The following ZNF362 variants were observed in gnomAD, a reference collection of about 807,000 sequenced individuals.
ZNF362 encodes zinc finger protein 362, also known as rotund homolog.
ZNF362 carries 11 observed loss-of-function variants against 42.9 expected under a neutral mutation model. That is an observed-to-expected ratio of 0.26 (90% CI 0.16 to 0.42). The LOEUF (loss-of-function observed/expected upper bound fraction) is 0.42. ZNF362 is among the 20% of genes least tolerant of loss of function. The pLI is 1.00. For synonymous variants in ZNF362, 255 were observed against 257.3 expected (o/e 0.99, Z 0.09); for missense variants, 362 against 576.2 (o/e 0.63, Z 3.81).
chr1:33,295,237 C>T lies in ZNF362; in HGVS notation c.1078C>T (p.Leu360Phe). 1 of 1,614,250 alleles carries T rather than the reference C, an allele frequency of 6.2e-7. No individual in the cohort carries two copies. The highest frequency in any genetic ancestry group is 2.2e-5 in the East Asian group (1 of 44,880). ...GGACTCCGCTTCTTTGCAGATCCAC[C>T]TCTCGGCCCACGCCATCAAGCACGC... ...YSDSASLQIH[L>F]SAHAIKHAKA... The change falls in exon 8 of 9, where the codon CTC becomes TTC. Residue 360 changes from leucine to phenylalanine, a missense_variant. Around this residue, in one of 3 missense-constraint regions of ZNF362, gnomAD observed 68 missense variants for 107.4 expected, o/e 0.63. Coordinates refer to ENST00000539719, the MANE Select transcript of ZNF362 (RefSeq NM_152493.3).
At chr1:33,159,468 G>A in the ZNF362 span, among the ~76,000 whole-genome samples, 3 of 152,166 alleles carry the variant, frequency 2.0e-5, 1 homozygote, top group Non-Finnish European at 4.4e-5. The surrounding 1 kb of genome is among the most constrained non-coding windows in gnomAD (Gnocchi z 4.2). Context: ...TTTTCAAACT[G>A]TGTTCCTCAC....
the ZNF362 span, chr1:33,159,966 G>T: frequency 6.3e-7 from 1 of 1,591,972 alleles, no homozygotes; most frequent in East Asian, 2.2e-5. The surrounding 1 kb of genome is among the most constrained non-coding windows in gnomAD (Gnocchi z 4.2). Flanking sequence ...AGTCGTCAGG[G>T]GTTATGGCTG....
At chr1:33,181,458 G>T in the ZNF362 span, 3 of 1,566,686 alleles carry the variant, frequency 1.9e-6, no homozygotes, top group South Asian at 2.3e-5. This position sits in a 1 kb window ranked among gnomAD's most constrained non-coding sequence, Gnocchi z 6.5. Flanking sequence ...AGAGAGGGGG[G>T]CCCGAGGGGC....
chr1:33,196,947 G>C, the ZNF362 span, among the ~76,000 whole-genome samples: 1 of 152,192 alleles, frequency 6.6e-6, no homozygotes, highest in Non-Finnish European at 1.5e-5. Context: ...TTACATTTGA[G>C]TTGGTGGACT....
In ZNF362 at chr1:33,280,571, G is replaced by C; in HGVS notation, c.683+114G>C. ...ACAGGACCCTTAGGGCTGAGGGGCA[G>C]GGCTAGGGTCCAGAGGGGCGGGGCC... On this transcript the variant is annotated intron_variant, in intron 5 of 8. Transcript: ENST00000539719. The surrounding 1 kb of genome is among the most constrained non-coding windows in gnomAD (Gnocchi z 5.6). The C allele has an allele frequency of 6.9e-7, 1 of 1,445,932 alleles. No homozygotes were observed. The highest frequency in any genetic ancestry group is 1.5e-5 in the South Asian group (1 of 67,592). The allele number at this position is 1,445,932 out of a possible 1,614,324, so 89.6% of individuals were successfully genotyped here.
chr1:33,262,257 T>A (rs980568377), intron 1 of ZNF362, among the ~76,000 whole-genome samples: 33 of 151,134 alleles, frequency 2.2e-4, no homozygotes, highest in African/African-American at 5.6e-4. Flanking sequence ...CTCCACCATC[T>A]GGGGTCCTTT....
At chr1:33,213,316 G>A in the ZNF362 span, among the ~76,000 whole-genome samples, 2 of 151,906 alleles carry the variant, frequency 1.3e-5, no homozygotes, top group South Asian at 4.2e-4. Flanking sequence ...TCTTAATCAC[G>A]GCGATGATTT....
the ZNF362 span, among the ~76,000 whole-genome samples, chr1:33,237,568 A>G: frequency 6.6e-6 from 1 of 152,334 alleles, no homozygotes; most frequent in African/African-American, 2.4e-5. Context: ...AATCGTAGCT[A>G]ACATTTATTG....
the ZNF362 span, among the ~76,000 whole-genome samples, chr1:33,234,970 T>A: frequency 6.6e-6 from 1 of 152,154 alleles, no homozygotes; most frequent in Non-Finnish European, 1.5e-5. Context: ...AGGCCTCAGC[T>A]GAGGTCGATC....
upstream of ZNF362, among the ~76,000 whole-genome samples, chr1:33,254,346 A>T (rs560489424): frequency 1.3e-5 from 2 of 152,266 alleles, no homozygotes; most frequent in African/African-American, 4.8e-5. Flanking sequence ...CTGGTCTTAA[A>T]GTCTGACCTG....
chr1:33,227,422 C>T, the ZNF362 span, among the ~76,000 whole-genome samples: 6 of 152,134 alleles, frequency 3.9e-5, no homozygotes, highest in Non-Finnish European at 8.8e-5. Flanking sequence ...CTGCTCAGAA[C>T]GCAACTGCCA....
chr1:33,230,735 G>A, the ZNF362 span, among the ~76,000 whole-genome samples: 2 of 152,232 alleles, frequency 1.3e-5, no homozygotes, highest in South Asian at 2.1e-4. Flanking sequence ...CTGGGCTGCC[G>A]TGAGGTTGCT....
chr1:33,295,750 T>C (rs1646119106), intron 8 of ZNF362, among the ~76,000 whole-genome samples: 1 of 152,194 alleles, frequency 6.6e-6, no homozygotes, highest in Non-Finnish European at 1.5e-5. Context: ...TCAGCTCCCG[T>C]CCCTGGGTGG....
the ZNF362 span, among the ~76,000 whole-genome samples, chr1:33,191,280 C>T: frequency 6.6e-6 from 1 of 152,160 alleles, no homozygotes; most frequent in Non-Finnish European, 1.5e-5. Context: ...CTTTTGTCCT[C>T]TGAACCATCC....
chr1:33,222,562 G>A, the ZNF362 span, among the ~76,000 whole-genome samples: 3 of 152,090 alleles, frequency 2.0e-5, no homozygotes, highest in Non-Finnish European at 4.4e-5. Context: ...TTCCTACTGT[G>A]CCTGAAATCC....
the ZNF362 span, among the ~76,000 whole-genome samples, chr1:33,250,759 GAAGA>G: frequency 7.1e-6 from 1 of 140,478 alleles, no homozygotes; most frequent in Non-Finnish European, 1.5e-5. Flanking sequence ...GAAAAAAAAA[GAAGA>G]AAGAAGAAGG....
the ZNF362 span, chr1:33,147,174 G>A: frequency 1.2e-6 from 2 of 1,612,740 alleles, no homozygotes; most frequent in East Asian, 2.2e-5. This position sits in a 1 kb window ranked among gnomAD's most constrained non-coding sequence, Gnocchi z 8.1. Context: ...CCTTCTGCCT[G>A]GACTAGATGC....
chr1:33,284,010 G>A (rs1030082860), intron 6 of ZNF362, among the ~76,000 whole-genome samples: 4 of 152,252 alleles, frequency 2.6e-5, no homozygotes, highest in African/African-American at 9.6e-5. Flanking sequence ...GGCCAGAATT[G>A]TGTATGTGTG....
chr1:33,252,091 G>A (rs923211319), upstream of ZNF362, among the ~76,000 whole-genome samples: 1 of 152,192 alleles, frequency 6.6e-6, no homozygotes, highest in East Asian at 1.9e-4. Flanking sequence ...GGTGGCTCAC[G>A]CCTGTAATCC....
Sources: allele counts gnomAD v4.1 joint callset (sites outside exome capture counted in the v4.1 genomes callset), GRCh38; gene constraint gnomAD v4.1.1; regional missense constraint gnomAD v4.1.1; non-coding constraint Gnocchi (gnomAD v3.1); transcripts MANE v1.5; gene names NCBI Gene and HGNC (gene_info 2026-07-23, HGNC 2026-07-21).